The following WWC1 variants were observed in gnomAD, a reference collection of about 807,000 sequenced individuals.
The protein encoded by WWC1 is protein KIBRA.
A neutral mutation model predicts 138.4 loss-of-function variants in WWC1; 55 were observed. The observed-to-expected ratio is 0.40, with a 90% CI of 0.32 to 0.50. The LOEUF (loss-of-function observed/expected upper bound fraction) is 0.50, where lower values mean the gene tolerates loss of function less well. Among genes scored for constraint, WWC1 ranks in the 20% least tolerant of loss-of-function variants. The pLI is 0.72. For synonymous variants in WWC1, 524 were observed against 564.9 expected, an observed-to-expected ratio of 0.93 and a Z score of 1.03; for missense variants, 1,226 against 1,420.4, an observed-to-expected ratio of 0.86 and a Z score of 2.20.
intron 1 of WWC1, among the ~76,000 whole-genome samples, chr5:168,368,811 G>T (rs1445862830): frequency 6.6e-6 from 1 of 152,178 alleles, no homozygotes; most frequent in Admixed American, 6.5e-5. Flanking sequence ...GAGAGAAGTG[G>T]CCTTTTGTTT....
intron 10 of WWC1, 23 bp downstream of exon 10, chr5:168,422,120 AC>A (rs1237431389): frequency 6.2e-7 from 1 of 1,609,846 alleles, no homozygotes; most frequent in Non-Finnish European, 8.5e-7. Flanking sequence ...CGGTGAGGCC[AC>A]TGCTCCCCTG....
chr5:168,453,886 C>A, intron 17 of WWC1, 82 bp from the exon 18 acceptor site: 1 of 1,580,720 alleles, frequency 6.3e-7, no homozygotes, highest in Non-Finnish European at 8.5e-7. Context: ...GGATTGGAAG[C>A]CCTACCTTGG....
At chr5:168,312,744 A>G (rs972925518) in intron 1 of WWC1, among the ~76,000 whole-genome samples, 1 of 151,734 alleles carries the variant, frequency 6.6e-6, no homozygotes, top group East Asian at 1.9e-4. Context: ...AGGAGACGTC[A>G]GGGGTCATGT....
intron 9 of WWC1, among the ~76,000 whole-genome samples, chr5:168,421,777 A>G (rs1373743543): frequency 1.3e-5 from 2 of 152,240 alleles, no homozygotes; most frequent in African/African-American, 4.8e-5. Flanking sequence ...TGACTGAATT[A>G]AGGCAGTGTC....
intron 1 of WWC1, among the ~76,000 whole-genome samples, chr5:168,338,259 C>T (rs1459566927): frequency 2.0e-5 from 3 of 149,928 alleles, no homozygotes; most frequent in South Asian, 2.1e-4. Context: ...TGTGGTGAGC[C>T]GAGATCGCGC....
chr5:168,423,279 G>A (rs1369935465), intron 10 of WWC1, among the ~76,000 whole-genome samples: 1 of 152,036 alleles, frequency 6.6e-6, no homozygotes, highest in Admixed American at 6.5e-5. Context: ...GGAGCTTTGG[G>A]AAACACAGAT....
intron 3 of WWC1, among the ~76,000 whole-genome samples, chr5:168,394,741 A>G (rs1393268701): frequency 1.3e-5 from 2 of 152,134 alleles, no homozygotes; most frequent in Non-Finnish European, 2.9e-5. Context: ...AAAAAAAATA[A>G]GTTCTCGTAG....
chr5:168,414,729 T>C, intron 9 of WWC1, 139 bp downstream of exon 9: 1 of 1,251,866 alleles, frequency 8.0e-7, no homozygotes, highest in Non-Finnish European at 1.1e-6. Flanking sequence ...ATCTCTCAGG[T>C]TGCCGACATA....
At chr5:168,428,177 G>C (rs758714844) in intron 12 of WWC1, 36 bp downstream of exon 12, 1 of 1,591,724 alleles carries the variant, frequency 6.3e-7, no homozygotes, top group South Asian at 1.1e-5. Flanking sequence ...CTGTGGCCCT[G>C]TAAGCCATGA....
At chr5:168,406,471 A>G (rs908370348) in intron 6 of WWC1, 144 bp downstream of exon 6, 3 of 1,239,294 alleles carry the variant, frequency 2.4e-6, no homozygotes, top group East Asian at 2.4e-5. Context: ...GTTCCATTTC[A>G]TAGAGGAGGA....
intron 1 of WWC1, among the ~76,000 whole-genome samples, chr5:168,350,730 T>C (rs933801550): frequency 2.0e-5 from 3 of 152,244 alleles, no homozygotes; most frequent in Non-Finnish European, 2.9e-5. Flanking sequence ...ATGTGCTTAA[T>C]AAATGTTTAT....
At chr5:168,339,907 T>C (rs1253794805) in intron 1 of WWC1, among the ~76,000 whole-genome samples, 19 of 138,374 alleles carry the variant, frequency 1.4e-4, no homozygotes, top group East Asian at 1.1e-3. Context: ...CTCTCTCTCT[T>C]TCTCTCTCTC....
intron 14 of WWC1, 90 bp from the exon 15 acceptor site, chr5:168,431,162 T>C: frequency 1.7e-6 from 2 of 1,184,640 alleles, no homozygotes; most frequent in East Asian, 4.7e-5. Context: ...CACTGTTGTT[T>C]GCTTAGGGAT....
rs745747380 is a variant in WWC1 at position 168,409,938 on chromosome 5, A to G, written c.884A>G (p.Asn295Ser). ...CTCCTCCAGTTCGGCATCAACAGCA[A>G]CAATCAGTTGGCAGAGAAGGTCAGA... ...DISGSFGINS[N>S]NQLAEKVRLR... The change falls in exon 8 of 23, where the codon AAC becomes AGC. Residue 295 changes from asparagine to serine, a missense_variant. By Grantham distance (46) the Asn-to-Ser change is conservative. This residue lies in a region of WWC1 where 1,016 missense variants were observed against 1,153.9 expected (regional missense o/e 0.88). Transcript: ENST00000265293. The G allele has an allele frequency of 1.9e-6, 3 of 1,614,004 alleles. No individual in the cohort carries two copies. Among genetic ancestry groups the G allele is most frequent in the South Asian group, 1.1e-5 (1 of 91,078 alleles).
rs971048492 is a variant in WWC1, at chr5:168,368,876, G to A, written c.120-2548G>A. ...GGCGGGTGGCCTGGAGACGGCTTTGGGGAAACTTCATCCAGGTCGTTTGGA... is the reference window on the plus strand; with the variant it reads ...GGCGGGTGGCCTGGAGACGGCTTTGAGGAAACTTCATCCAGGTCGTTTGGA... On this transcript the variant is annotated intron_variant, in intron 1 of 22. Transcript: ENST00000265293. Among the ~76,000 whole-genome samples, 7 of 152,256 alleles carry A rather than the reference G, an allele frequency of 4.6e-5. No individual in the cohort carries two copies. The South Asian group carries it at 1.5e-3, about 32-fold the overall frequency.
In WWC1 at chr5:168,422,042, A is replaced by G; in HGVS notation, c.1219A>G (p.Arg407Gly). 1 of 1,612,464 alleles carries G rather than the reference A, an allele frequency of 6.2e-7. No individual in the cohort carries two copies. The highest frequency in any genetic ancestry group is 2.2e-5 in the East Asian group (1 of 44,786). Residue 407 changes from arginine (R) to glycine (G), a missense_variant, in exon 10 of 23, where the codon AGA (arginine) becomes GGA (glycine). By Grantham distance (125) the Arg-to-Gly change is moderately radical. Coordinates refer to ENST00000265293, the MANE Select transcript of WWC1 (RefSeq NM_015238.3). ...AAACAGTAAGAGGAACCAGCTTGTGAGAGAACTGGAGGAAGCCACCCGGCA... is the reference window on the plus strand; with the variant it reads ...AAACAGTAAGAGGAACCAGCTTGTGGGAGAACTGGAGGAAGCCACCCGGCA... ...KLNSKRNQLV[R>G]ELEEATRQVA...
intron 1 of WWC1, among the ~76,000 whole-genome samples, chr5:168,342,476 C>T (rs796765514): frequency 6.6e-5 from 10 of 152,288 alleles, no homozygotes; most frequent in African/African-American, 2.2e-4. Flanking sequence ...GCCAGTGATA[C>T]ATGTATAGAA....
chr5:168,421,382 T>C (rs1285208946), intron 9 of WWC1, among the ~76,000 whole-genome samples: 1 of 152,224 alleles, frequency 6.6e-6, no homozygotes, highest in African/African-American at 2.4e-5. Context: ...CCAGTTCAAA[T>C]TGGGCCTCTC....
chr5:168,293,853 C>A (rs967286661), intron 1 of WWC1, among the ~76,000 whole-genome samples: 53 of 152,312 alleles, frequency 3.5e-4, no homozygotes, highest in African/African-American at 1.2e-3. Flanking sequence ...CGTACCAGTT[C>A]TTCACCAGCT....
Sources: allele counts gnomAD v4.1 joint callset (sites outside exome capture counted in the v4.1 genomes callset), GRCh38; gene constraint gnomAD v4.1.1; regional missense constraint gnomAD v4.1.1; transcripts MANE v1.5; gene names NCBI Gene and HGNC (gene_info 2026-07-23, HGNC 2026-07-21).